The following PRR15L variants were observed in gnomAD, a reference collection of about 807,000 sequenced individuals.
PRR15L encodes proline rich 15 like.
Under a neutral mutation model 3.7 loss-of-function variants are expected in PRR15L, and 1 was observed. The ratio of observed to expected loss-of-function variants is 0.27; its 90% confidence interval spans 0.09 to 1.27. PRR15L has a LOEUF of 1.27. Ranked by LOEUF, PRR15L falls within the 50% of genes most tolerant of loss-of-function variation. PRR15L has a pLI of 0.47. For synonymous variants in PRR15L, 57 were observed against 51.9 expected, an observed-to-expected ratio of 1.10 and a Z score of -0.42; for missense variants, 127 against 128.7, an observed-to-expected ratio of 0.99 and a Z score of 0.06.
At chr17:47,954,467 G>C (rs1055907203) in intron 1 of PRR15L, among the ~76,000 whole-genome samples, 41 of 152,346 alleles carry the variant, frequency 2.7e-4, no homozygotes, top group African/African-American at 9.4e-4. Flanking sequence ...CAGAAGTACA[G>C]GGGAGACATG....
chr17:47,954,931 T>A (rs114263199), intron 1 of PRR15L, among the ~76,000 whole-genome samples: 1 of 145,430 alleles, frequency 6.9e-6, no homozygotes, highest in African/African-American at 2.5e-5. Context: ...GCCTTTTTTT[T>A]TTCTTTTTTT....
At chr17:47,954,087 T>G (rs1184056626) in intron 1 of PRR15L, among the ~76,000 whole-genome samples, 1 of 152,208 alleles carries the variant, frequency 6.6e-6, no homozygotes, top group African/African-American at 2.4e-5. Context: ...AAATTAAATA[T>G]AATTAGTGGC....
At position 47,953,115 on chromosome 17, in the gene PRR15L, C is replaced by T. The variant is rs267604927; in HGVS notation, c.120G>A (p.Pro40=). The T allele has an allele frequency of 2.3e-5, 37 of 1,614,014 alleles. No individual in the cohort carries two copies. Among genetic ancestry groups the T allele is most frequent in the East Asian group, 1.6e-4 (7 of 44,896 alleles). The change falls in exon 2 of 2, where the codon CCG becomes CCA. Residue 40 remains proline, a synonymous_variant. Coordinates refer to ENST00000300557, the MANE Select transcript of PRR15L (RefSeq NM_024320.4). ...YAQTEGDAEP[P]RPDAGGPNSD... is the part of the protein sequence containing the mutation. ...TGTTGGGGCCTCCAGCGTCAGGCCT[C>T]GGGGGTTCTGCATCTCCCTCTGTTT...
At chr17:47,955,654 A>G (rs1383899966) in intron 1 of PRR15L, among the ~76,000 whole-genome samples, 1 of 152,222 alleles carries the variant, frequency 6.6e-6, no homozygotes, top group African/African-American at 2.4e-5. Flanking sequence ...ACACCTAGGG[A>G]CAGCCTGAGA....
At chr17:47,955,702 C>T (rs1784485173) in intron 1 of PRR15L, among the ~76,000 whole-genome samples, 1 of 152,150 alleles carries the variant, frequency 6.6e-6, no homozygotes, top group Non-Finnish European at 1.5e-5. Context: ...GGGCTTAGCA[C>T]AGCCTTGTAC....
intron 1 of PRR15L, among the ~76,000 whole-genome samples, chr17:47,955,119 G>C (rs2036114419): frequency 1.3e-5 from 2 of 151,906 alleles, no homozygotes; most frequent in South Asian, 4.2e-4. Flanking sequence ...AGTAGAGACG[G>C]GGTTTCTCCA....
In PRR15L at chr17:47,952,833, C is replaced by T. The variant is rs187403660; in HGVS notation, c.*90G>A. ...GTATCAACTGGCCCCACAGCTTCAGCTATGGCCAAAGAGGCCAGCGTGGCA... is the reference window on the plus strand; with the variant it reads ...GTATCAACTGGCCCCACAGCTTCAGTTATGGCCAAAGAGGCCAGCGTGGCA... On this transcript the variant is annotated 3_prime_UTR_variant, in exon 2 of 2. Coordinates refer to ENST00000300557, the MANE Select transcript of PRR15L (RefSeq NM_024320.4). The T allele has an allele frequency of 9.6e-6, 13 of 1,352,424 alleles. No homozygotes were observed. In the East Asian group the frequency reaches 3.0e-4, roughly 32 times the overall value. The allele number at this position is 1,352,424 out of a possible 1,614,324, so 83.8% of individuals were successfully genotyped here.
Position 47,953,750 on chromosome 17 carries a change from G to A in PRR15L, c.-29-487C>T, listed in dbSNP as rs188180804. ...AACCCAAGATTCAGGTCAGTGGGGT[G>A]ACACAATGCTTTTGGAGAGTGTGAG... On this transcript the variant is annotated intron_variant, in intron 1 of 1. Transcript: ENST00000300557. 8.6e-4 allele frequency among the ~76,000 whole-genome samples: 131 copies of A among 152,290 alleles called. No individual in the cohort carries two copies. The Middle Eastern group carries it at 0.01, about 12-fold the overall frequency.
In PRR15L at chr17:47,957,645, C is replaced by G. The variant is rs35280206; in HGVS notation, c.-30+12G>C. 0.27 allele frequency: 41,758 copies of G among 152,284 alleles called. 6,411 individuals carry two copies. Among genetic ancestry groups the G allele is most frequent in the Admixed American group, 0.4 (6,136 of 15,294 alleles). The allele number at this position is 152,284 out of a possible 1,614,324, so 9.4% of individuals were successfully genotyped here. A position where few individuals can be genotyped will look rare whatever the true frequency, so the allele number is the denominator to read the frequency against. On this transcript the variant is annotated intron_variant, in intron 1 of 1. Coordinates refer to ENST00000300557, the MANE Select transcript of PRR15L (RefSeq NM_024320.4). ...GCCTTGGTTTCCCCACCCACCAGCC[C>G]TCTGCCTGTACCTGTAATCCCGACT...
intron 1 of PRR15L, among the ~76,000 whole-genome samples, chr17:47,955,327 TG>T: frequency 6.6e-6 from 1 of 152,124 alleles, no homozygotes; most frequent in East Asian, 1.9e-4. Flanking sequence ...ATTTTAGGGG[TG>T]GGGGAGCATA....
rs2036072932 is a variant in PRR15L, at chr17:47,952,157, T to A, written c.*766A>T. ...CCAGGACTCATCTCTGGAGCTGATA[T>A]GTCTTAAATACTATTATAGTAGGAA... is the stretch of plus-strand genomic sequence containing the variant. On this transcript the variant is annotated 3_prime_UTR_variant, in exon 2 of 2. Transcript: ENST00000300557. The A allele has an allele frequency of 6.6e-6, 1 of 152,188 alleles. No homozygotes were observed. Among genetic ancestry groups the A allele is most frequent in the South Asian group, 2.1e-4 (1 of 4,826 alleles). The allele number at this position is 152,188 out of a possible 1,614,324, so 9.4% of individuals were successfully genotyped here.
chr17:47,953,129 C>G lies in PRR15L; in HGVS notation c.106G>C (p.Asp36His). 1 of 1,614,166 alleles carries G rather than the reference C, an allele frequency of 6.2e-7. No individual in the cohort carries two copies. The highest frequency in any genetic ancestry group is 1.1e-5 in the South Asian group (1 of 91,084). ...IPDTYAQTEG[D>H]AEPPRPDAGG... ...GCGTCAGGCCTCGGGGGTTCTGCATCTCCCTCTGTTTGGGCATAGGTGTCA... is the reference window on the plus strand; with the variant it reads ...GCGTCAGGCCTCGGGGGTTCTGCATGTCCCTCTGTTTGGGCATAGGTGTCA... The change falls in exon 2 of 2, where the codon GAT (aspartate) becomes CAT (histidine). Residue 36 changes from aspartate (D) to histidine (H), a missense_variant. Transcript: ENST00000300557.
chr17:47,953,091 G>A lies in PRR15L; in HGVS notation c.144C>T (p.Asn48=). Residue 48 remains asparagine (N), a synonymous_variant, in exon 2 of 2, where the codon AAC becomes AAT. Transcript: ENST00000300557. The part of the protein sequence containing the change: ...EPPRPDAGGP[N]SDFNTRLEKI... Reference sequence around the variant, plus strand: ...TCTCCAGGCGGGTGTTAAAGTCGCTGTTGGGGCCTCCAGCGTCAGGCCTCG... The same window carrying A: ...TCTCCAGGCGGGTGTTAAAGTCGCTATTGGGGCCTCCAGCGTCAGGCCTCG... 1 of 1,614,182 alleles carries A rather than the reference G, an allele frequency of 6.2e-7. No homozygotes were observed. The highest frequency in any genetic ancestry group is 1.3e-5 in the African/African-American group (1 of 75,036).
rs2036079918 is a variant in PRR15L at position 47,952,683 on chromosome 17, C to T, written c.*240G>A. ...TGTTCCTCCTGGGTGAGACTTTTCA[C>T]TCTTGAACTAGAGTGCCTTTGTATG... On this transcript the variant is annotated 3_prime_UTR_variant, in exon 2 of 2. Coordinates refer to ENST00000300557, the MANE Select transcript of PRR15L (RefSeq NM_024320.4). 2.3e-6 allele frequency: 1 copy of T among 429,758 alleles called. No homozygotes were observed. The highest frequency in any genetic ancestry group is 2.0e-5 in the African/African-American group (1 of 51,134). 26.6% of individuals were successfully genotyped at this position (429,758 alleles called of 1,614,324 possible).
intron 1 of PRR15L, among the ~76,000 whole-genome samples, chr17:47,957,027 CA>C (rs924803300): frequency 2.0e-5 from 3 of 152,274 alleles, no homozygotes; most frequent in African/African-American, 7.2e-5. Flanking sequence ...GCTGTTTGCA[CA>C]GCTTTGGGGC....
At chr17:47,956,838 G>T (rs1159724617) in intron 1 of PRR15L, among the ~76,000 whole-genome samples, 1 of 152,260 alleles carries the variant, frequency 6.6e-6, no homozygotes, top group Admixed American at 6.5e-5. Context: ...GGGGTTGGGG[G>T]AGTGGGGGCA....
At chr17:47,953,877 G>A (rs1325477222) in intron 1 of PRR15L, among the ~76,000 whole-genome samples, 3 of 152,104 alleles carry the variant, frequency 2.0e-5, no homozygotes, top group Non-Finnish European at 4.4e-5. Flanking sequence ...GTTGTCAGGA[G>A]CTTTGAGATA....
rs905720889 is a variant in PRR15L, at chr17:47,952,076, G to C, written c.*847C>G. 1 of 152,148 alleles carries C rather than the reference G, an allele frequency of 6.6e-6. No homozygotes were observed. The allele number at this position is 152,148 out of a possible 1,614,324, so 9.4% of individuals were successfully genotyped here. On this transcript the variant is annotated 3_prime_UTR_variant, in exon 2 of 2. Transcript: ENST00000300557. ...ATAAAAGAGGTTCTCTGCCTTTCCA[G>C]CGTTGTTATTACAGAGAGAAACCTA...
chr17:47,952,051 A>G lies in PRR15L; in HGVS notation c.*872T>C, dbSNP rs576202760. On this transcript the variant is annotated 3_prime_UTR_variant, in exon 2 of 2. Coordinates refer to ENST00000300557, the MANE Select transcript of PRR15L (RefSeq NM_024320.4). ...ATCTCAATAAATGCAAGACATGAGC[A>G]TAAAAGAGGTTCTCTGCCTTTCCAG... 2 of 152,358 alleles carry G rather than the reference A, an allele frequency of 1.3e-5. No homozygotes were observed. The highest frequency in any genetic ancestry group is 4.1e-4 in the South Asian group (2 of 4,824). 9.4% of individuals were successfully genotyped at this position (152,358 alleles called of 1,614,324 possible).
Sources: gnomAD v4.1 joint callset for allele counts (sites outside exome capture counted in the v4.1 genomes callset) on GRCh38, gnomAD v4.1.1 for gene constraint, MANE v1.5 for transcripts, NCBI Gene and HGNC (gene_info 2026-07-23, HGNC 2026-07-21) for gene names.